The following NME5 variants were observed in gnomAD, a reference collection of about 807,000 sequenced individuals.
NME5 encodes the protein nucleoside diphosphate kinase 5.
Under a neutral mutation model 21.6 loss-of-function variants are expected in NME5, and 18 were observed. The ratio of observed to expected loss-of-function variants is 0.83; its 90% CI spans 0.58 to 1.24. NME5 has a LOEUF of 1.24. Among genes scored for constraint, NME5 ranks in the 50% most tolerant of loss-of-function variants. NME5 has a pLI of 0.00. For missense variants in NME5, 223 were observed against 255.4 expected, an observed-to-expected ratio of 0.87 and a Z score of 0.86; for synonymous variants, 70 against 80.6, an observed-to-expected ratio of 0.87 and a Z score of 0.71.
chr5:138,118,663 T>G (rs950678999), intron 5 of NME5, among the ~76,000 whole-genome samples, 155 bp downstream of exon 5: 5 of 151,654 alleles, frequency 3.3e-5, no homozygotes, highest in Admixed American at 1.3e-4. Flanking sequence ...TTTTGTATTT[T>G]TAGTACAGAC....
chr5:138,138,847 C>T (rs1344990886), intron 1 of NME5, 62 bp from the exon 2 acceptor site: 13 of 1,461,532 alleles, frequency 8.9e-6, no homozygotes, highest in African/African-American at 2.9e-5. Context: ...ATGCATTTCC[C>T]CCCACCCCCA....
At chr5:138,138,957 G>A (rs1346275478) in intron 1 of NME5, 172 bp from the exon 2 acceptor site, 3 of 597,702 alleles carry the variant, frequency 5.0e-6, no homozygotes, top group Non-Finnish European at 5.7e-6. Flanking sequence ...TATATACAGG[G>A]TCTCAATAAT....
chr5:138,115,551 A>G lies in NME5; in HGVS notation c.*130T>C, dbSNP rs1751138835. Reference sequence around the variant, plus strand: ...TTCATAGAATAGTTATTCCTTTAACACTTATTTTTAAGAAATAAATTTATT... The same window carrying G: ...TTCATAGAATAGTTATTCCTTTAACGCTTATTTTTAAGAAATAAATTTATT... On this transcript the variant is annotated 3_prime_UTR_variant, in exon 6 of 6. Coordinates refer to ENST00000265191, the MANE Select transcript of NME5 (RefSeq NM_003551.3). The G allele has an allele frequency of 1.9e-6, 1 of 532,634 alleles. No homozygotes were observed. Among genetic ancestry groups the G allele is most frequent in the Non-Finnish European group, 3.2e-6 (1 of 311,698 alleles). The allele number at this position is 532,634 out of a possible 1,614,324, so 33.0% of individuals were successfully genotyped here.
intron 2 of NME5, among the ~76,000 whole-genome samples, chr5:138,133,169 C>A (rs1023061861): frequency 6.6e-6 from 1 of 151,242 alleles, no homozygotes; most frequent in Non-Finnish European, 1.5e-5. Flanking sequence ...GGCGCGATCT[C>A]GGCTCACTGC....
At chr5:138,116,618 G>A (rs1186753792) in intron 5 of NME5, 1 of 152,192 alleles carries the variant, frequency 6.6e-6, no homozygotes, top group East Asian at 1.9e-4. Context: ...ATGATACAGA[G>A]AGATTATTAG....
rs151031932 is a variant in NME5 at position 138,123,874 on chromosome 5, G to A, written c.436+4605C>T. Among the ~76,000 whole-genome samples, 280 of 150,768 alleles carry A rather than the reference G, an allele frequency of 1.9e-3. 8 individuals carry two copies. In the East Asian group the frequency reaches 0.042, roughly 23 times the overall value. ...TACAAGCATTCCAATTTCCCTATAT[G>A]CTTGCCAATATTTACCTTTTTTTCT... On this transcript the variant is annotated intron_variant, in intron 4 of 5. Transcript: ENST00000265191.
chr5:138,126,168 T>C (rs2151163028), intron 4 of NME5, among the ~76,000 whole-genome samples: 1 of 152,290 alleles, frequency 6.6e-6, no homozygotes, highest in East Asian at 1.9e-4. Flanking sequence ...TCTAAACTCA[T>C]GCCTAGCGGA....
In NME5 at chr5:138,122,680, ATT is replaced by A. The variant is rs70979582; in HGVS notation, c.437-3746_437-3745del. The stretch of plus-strand genomic sequence containing the variant: ...TAATCATTAAACAAAAATTTTTTTA[ATT>A]TTTTTTTTTTTTTGAGACATGGTCT... On this transcript the variant is annotated intron_variant, in intron 4 of 5. Transcript: ENST00000265191. 3.6e-3 allele frequency among the ~76,000 whole-genome samples: 468 copies of A among 131,486 alleles called. 3 individuals carry two copies. Among genetic ancestry groups the A allele is most frequent in the African/African-American group, 8.6e-3 (311 of 36,136 alleles). The allele number at this position is 131,486 out of a possible 152,430, so 86.3% of individuals were successfully genotyped here.
chr5:138,124,022 GTCTTGT>G (rs1751345179), intron 4 of NME5, among the ~76,000 whole-genome samples: 3 of 94,508 alleles, frequency 3.2e-5, no homozygotes, highest in Non-Finnish European at 6.0e-5. Flanking sequence ...TTGAGATGGA[GTCTTGT>G]TCTTGTTGCC....
intron 4 of NME5, among the ~76,000 whole-genome samples, chr5:138,128,032 G>A (rs373647195): frequency 3.3e-5 from 5 of 152,016 alleles, no homozygotes; most frequent in Admixed American, 6.6e-5. Flanking sequence ...TGGGCAATAC[G>A]GAGAGACCCC....
chr5:138,119,941 C>G (rs907815907), intron 4 of NME5, among the ~76,000 whole-genome samples: 3 of 138,346 alleles, frequency 2.2e-5, no homozygotes, highest in Non-Finnish European at 4.9e-5. Context: ...AATTTAACTT[C>G]TATTTTTTTT....
chr5:138,115,701 T>C lies in NME5; in HGVS notation c.619A>G (p.Ile207Val), dbSNP rs777199840. 4.4e-6 allele frequency: 7 copies of C among 1,581,420 alleles called. No individual in the cohort carries two copies. The highest frequency in any genetic ancestry group is 2.3e-5 in the East Asian group (1 of 44,350). Residue 207 changes from isoleucine (I) to valine (V), a missense_variant, in exon 6 of 6, where the codon ATT becomes GTT. Ile to Val is a conservative substitution (Grantham distance 29). Coordinates refer to ENST00000265191, the MANE Select transcript of NME5 (RefSeq NM_003551.3). ...TTTTTTTAATAAGGTTCTTCTACAA[T>C]TGGATGGTGACAAAGTTTGGGTTTG... ...PNKPKLCHHP[I>V]VEEPY
intron 5 of NME5, 60 bp from the exon 6 acceptor site, chr5:138,115,824 A>G (rs1751145708): frequency 9.2e-7 from 1 of 1,091,196 alleles, no homozygotes; most frequent in African/African-American, 1.6e-5. Flanking sequence ...CTTTCAATAT[A>G]TACTATATCA....
chr5:138,125,200 G>C (rs34303869), intron 4 of NME5, among the ~76,000 whole-genome samples: 69,795 of 152,130 alleles, frequency 0.46, 16,249 homozygotes, highest in East Asian at 0.6. Flanking sequence ...GGAATCACAG[G>C]TGTGAGCCAC....
At chr5:138,129,712 C>T (rs1287949732) in intron 2 of NME5, among the ~76,000 whole-genome samples, 9 of 152,152 alleles carry the variant, frequency 5.9e-5, no homozygotes, top group South Asian at 4.1e-4. Context: ...AGTCCTAGCA[C>T]TTTGGAAGGC....
chr5:138,117,978 C>A (rs559378571), intron 5 of NME5, among the ~76,000 whole-genome samples: 1 of 151,006 alleles, frequency 6.6e-6, no homozygotes, highest in African/African-American at 2.4e-5. Context: ...AGTGAGACTC[C>A]GTCTCAAAAA....
At chr5:138,126,451 C>T (rs1048626575) in intron 4 of NME5, among the ~76,000 whole-genome samples, 23 of 120,512 alleles carry the variant, frequency 1.9e-4, no homozygotes, top group African/African-American at 6.9e-4. Flanking sequence ...GTCAAGGCTG[C>T]GGTGAGCTGT....
chr5:138,127,324 G>T, intron 4 of NME5: 1 of 348,964 alleles, frequency 2.9e-6, no homozygotes, highest in Non-Finnish European at 4.0e-6. Context: ...AATGTGAAAT[G>T]TATTTATTTT....
intron 5 of NME5, among the ~76,000 whole-genome samples, chr5:138,116,891 G>A (rs1751168991): frequency 6.6e-6 from 1 of 152,034 alleles, no homozygotes; most frequent in Non-Finnish European, 1.5e-5. Flanking sequence ...ATGGACCAAT[G>A]ACCTAAATAT....
Sources: allele counts gnomAD v4.1 joint callset (sites outside exome capture counted in the v4.1 genomes callset), GRCh38; gene constraint gnomAD v4.1.1; transcripts MANE v1.5; gene names NCBI Gene and HGNC (gene_info 2026-07-23, HGNC 2026-07-21).